ZNF513: variants seen among roughly 807,000 people sequenced by gnomAD.
ZNF513 encodes zinc finger protein 513.
In ZNF513, 16 loss-of-function variants were observed where a neutral mutation model predicts 39.7. The observed-to-expected ratio is 0.40, with a 90% confidence interval of 0.27 to 0.61. The LOEUF is 0.61. Among genes scored for constraint, ZNF513 ranks in the 20% least tolerant of loss-of-function variants. The probability of loss-of-function intolerance (pLI) is 0.39; values close to 1 mark genes in which losing one functional copy is unlikely to be tolerated. For missense variants in ZNF513, 699 were observed against 743.6 expected, an observed-to-expected ratio of 0.94 and a Z score of 0.70; for synonymous variants, 348 against 296.5, an observed-to-expected ratio of 1.17 and a Z score of -1.79.
Position 27,377,556 on chromosome 2 carries a change from C to G in ZNF513, c.1615G>C (p.Asp539His). The G allele has an allele frequency of 6.2e-7, 1 of 1,614,056 alleles. No homozygotes were observed. Among genetic ancestry groups the G allele is most frequent in the Non-Finnish European group, 8.5e-7 (1 of 1,180,028 alleles). ...AAGAAGGACCTAGTTCAGGATGAGTCTGTGTGGACAGCCCGGCTGCCAGCA... is the reference window on the plus strand; with the variant it reads ...AAGAAGGACCTAGTTCAGGATGAGTGTGTGTGGACAGCCCGGCTGCCAGCA... The part of the protein sequence containing the change: ...GTAGSRAVHT[D>H]SS Residue 539 changes from aspartate to histidine, a missense_variant, in exon 4 of 4, where the codon GAC becomes CAC. By Grantham distance (81) the Asp-to-His change is moderately conservative. Transcript: ENST00000323703. This position sits in a 1 kb window ranked among gnomAD's most constrained non-coding sequence, Gnocchi z 4.4.
Position 27,378,994 on chromosome 2 carries a change from C to A in ZNF513, c.272G>T (p.Gly91Val). ...PYGLSDDESGGGRALSAESEV... is the reference protein window; with the variant it reads ...PYGLSDDESGVGRALSAESEV... ...ACTCTCCGCACTTAGTGCCCGGCCGCCCCCAGACTCATCGTCGCTCAGCCC... is the reference window on the plus strand; with the variant it reads ...ACTCTCCGCACTTAGTGCCCGGCCGACCCCAGACTCATCGTCGCTCAGCCC... Residue 91 changes from glycine (G) to valine (V), a missense_variant, in exon 3 of 4, where the codon GGC (glycine) becomes GTC (valine). By Grantham distance (109) the Gly-to-Val change is moderately radical. Around this residue, in one of 3 missense-constraint regions of ZNF513, gnomAD observed 530 missense variants for 499.3 expected, o/e 1.06. Coordinates refer to ENST00000323703, the MANE Select transcript of ZNF513 (RefSeq NM_144631.6). This position sits in a 1 kb window ranked among gnomAD's most constrained non-coding sequence, Gnocchi z 8.0. 1 of 1,613,184 alleles carries A rather than the reference C, an allele frequency of 6.2e-7. No homozygotes were observed. The highest frequency in any genetic ancestry group is 1.1e-5 in the South Asian group (1 of 91,082).
rs1683574266 is a variant in ZNF513 at position 27,380,555 on chromosome 2, C to T, written c.-29G>A. 6.5e-7 allele frequency: 1 copy of T among 1,545,012 alleles called. No homozygotes were observed. Among genetic ancestry groups the T allele is most frequent in the Non-Finnish European group, 8.8e-7 (1 of 1,138,938 alleles). ...GACCGGCTCCAGCCCGACGCGCCTC[C>T]GGCCTGCGGCCGCCCGACCCCGCCC... On this transcript the variant is annotated 5_prime_UTR_variant, in exon 1 of 4. Transcript: ENST00000323703.
chr2:27,377,459 T>C lies in ZNF513; in HGVS notation c.*86A>G. The C allele has an allele frequency of 6.9e-7, 1 of 1,449,316 alleles. No individual in the cohort carries two copies. Among genetic ancestry groups the C allele is most frequent in the Non-Finnish European group, 9.6e-7 (1 of 1,041,400 alleles). 89.8% of individuals were successfully genotyped at this position (1,449,316 alleles called of 1,614,324 possible). On this transcript the variant is annotated 3_prime_UTR_variant, in exon 4 of 4. Coordinates refer to ENST00000323703, the MANE Select transcript of ZNF513 (RefSeq NM_144631.6). This position sits in a 1 kb window ranked among gnomAD's most constrained non-coding sequence, Gnocchi z 4.4. ...GGGCTGGTCCTTATAGTGCCTACGT[T>C]AGTCTGTGTGGAGCCCCTGGCCAGC...
rs964297043 is a variant in ZNF513 at position 27,380,603 on chromosome 2, TGCCCTTC to T, written c.-84_-78del. The T allele has an allele frequency of 3.0e-5, 46 of 1,535,104 alleles. No homozygotes were observed. In the African/African-American group the frequency reaches 5.8e-4, roughly 19 times the overall value. The stretch of plus-strand genomic sequence containing the variant: ...CCCCTCCTATCTCGGCCCGCCTGTC[TGCCCTTC>T]CTCTCAGGGCCCGCGGGCCGCCCCC... On this transcript the variant is annotated 5_prime_UTR_variant, in exon 1 of 4. Coordinates refer to ENST00000323703, the MANE Select transcript of ZNF513 (RefSeq NM_144631.6).
At position 27,380,672 on chromosome 2, in the gene ZNF513, G is replaced by A; in HGVS notation, c.-146C>T. 1 of 1,267,148 alleles carries A rather than the reference G, an allele frequency of 7.9e-7. No homozygotes were observed. Among genetic ancestry groups the A allele is most frequent in the Non-Finnish European group, 9.9e-7 (1 of 1,007,954 alleles). The allele number at this position is 1,267,148 out of a possible 1,614,324, so 78.5% of individuals were successfully genotyped here. On this transcript the variant is annotated 5_prime_UTR_variant, in exon 1 of 4. Transcript: ENST00000323703. Reference sequence around the variant, plus strand: ...CGGGCCCTGGGCAGCCCCCGGCCCTGGCCCCGGCGCCCAGCTCAGGCCGCT... The same window carrying A: ...CGGGCCCTGGGCAGCCCCCGGCCCTAGCCCCGGCGCCCAGCTCAGGCCGCT...
Position 27,380,170 on chromosome 2 carries a change from T to G in ZNF513, c.134A>C (p.Glu45Ala). The change falls in exon 2 of 4, where the codon GAG becomes GCG. Residue 45 changes from glutamate (E) to alanine (A), a missense_variant. By Grantham distance (107) the Glu-to-Ala change is moderately radical. Transcript: ENST00000323703. ...ESDLLLGQDL[E>A]FEEEEEEEEG... ...CTCCTCTTCCTCTTCCTCCTCAAACTCCAGATCCTGGCCTAGTAGCAAATC... is the reference window on the plus strand; with the variant it reads ...CTCCTCTTCCTCTTCCTCCTCAAACGCCAGATCCTGGCCTAGTAGCAAATC... 1 of 1,613,820 alleles carries G rather than the reference T, an allele frequency of 6.2e-7. No homozygotes were observed. The highest frequency in any genetic ancestry group is 8.5e-7 in the Non-Finnish European group (1 of 1,179,950).
intron 2 of ZNF513, 83 bp from the exon 3 acceptor site, chr2:27,379,137 C>T (rs1378119192): frequency 1.4e-6 from 2 of 1,379,418 alleles, no homozygotes; most frequent in Non-Finnish European, 2.0e-6. Context: ...ATGGTCTCCC[C>T]ACTTGCTTGG....
chr2:27,380,203 A>G lies in ZNF513; in HGVS notation c.101T>C (p.Leu34Ser). ...SLDEGPGALVLESDLLLGQDL... is the reference protein window; with the variant it reads ...SLDEGPGALVSESDLLLGQDL... ...CTGGCCTAGTAGCAAATCACTCTCC[A>G]ATACCAGGGCCCCGGGTCCTTCGTC... The change falls in exon 2 of 4, where the codon TTG becomes TCG. Residue 34 changes from leucine (L) to serine (S), a missense_variant. Around this residue, in one of 3 missense-constraint regions of ZNF513, gnomAD observed 530 missense variants for 499.3 expected, o/e 1.06. Transcript: ENST00000323703. The G allele has an allele frequency of 6.2e-7, 1 of 1,613,838 alleles. No individual in the cohort carries two copies. The highest frequency in any genetic ancestry group is 8.5e-7 in the Non-Finnish European group (1 of 1,179,962).
chr2:27,377,471 A>G lies in ZNF513; in HGVS notation c.*74T>C. ...ATAGTGCCTACGTTAGTCTGTGTGG[A>G]GCCCCTGGCCAGCGGGGGAGAAAAA... On this transcript the variant is annotated 3_prime_UTR_variant, in exon 4 of 4. Transcript: ENST00000323703. The surrounding 1 kb of genome is among the most constrained non-coding windows in gnomAD (Gnocchi z 4.4). 3 of 1,511,316 alleles carry G rather than the reference A, an allele frequency of 2.0e-6. No individual in the cohort carries two copies. The highest frequency in any genetic ancestry group is 2.7e-6 in the Non-Finnish European group (3 of 1,093,376). 93.6% of individuals were successfully genotyped at this position (1,511,316 alleles called of 1,614,324 possible).
In ZNF513 at chr2:27,377,539, C is replaced by T. The variant is rs1683381223; in HGVS notation, c.*6G>A. 1.2e-6 allele frequency: 2 copies of T among 1,613,886 alleles called. No individual in the cohort carries two copies. The highest frequency in any genetic ancestry group is 1.7e-6 in the Non-Finnish European group (2 of 1,179,950). On this transcript the variant is annotated 3_prime_UTR_variant, in exon 4 of 4. Transcript: ENST00000323703. The surrounding 1 kb of genome is among the most constrained non-coding windows in gnomAD (Gnocchi z 4.4). ...CTGTATAAAACATGGGGAAGAAGGACCTAGTTCAGGATGAGTCTGTGTGGA... is the reference window on the plus strand; with the variant it reads ...CTGTATAAAACATGGGGAAGAAGGATCTAGTTCAGGATGAGTCTGTGTGGA...
In ZNF513 at chr2:27,377,604, G is replaced by A. The variant is rs374112566; in HGVS notation, c.1567C>T (p.Arg523Trp). The A allele has an allele frequency of 1.2e-5, 19 of 1,613,980 alleles. No individual in the cohort carries two copies. The highest frequency in any genetic ancestry group is 6.7e-5 in the East Asian group (3 of 44,890). ...PHSPPSVLSS[R>W]GPPALGTAGS... Reference sequence around the variant, plus strand: ...GCAGTCCCCAGGGCTGGTGGGCCCCGAGAGCTCAAAACAGAGGGTGGGCTA... The same window carrying A: ...GCAGTCCCCAGGGCTGGTGGGCCCCAAGAGCTCAAAACAGAGGGTGGGCTA... The change falls in exon 4 of 4, where the codon CGG becomes TGG. Residue 523 changes from arginine (R) to tryptophan (W), a missense_variant. Transcript: ENST00000323703. This position sits in a 1 kb window ranked among gnomAD's most constrained non-coding sequence, Gnocchi z 4.4.
At chr2:27,380,734 T>TA (rs1311152017), upstream of ZNF513, 1 of 859,868 alleles carries the variant, frequency 1.2e-6, no homozygotes, top group Non-Finnish European at 1.5e-6. Flanking sequence ...TGGAGCCCCC[T>TA]ACCCCCCTAC....
In ZNF513 at chr2:27,380,210, G is replaced by A. The variant is rs538745708; in HGVS notation, c.94C>T (p.Leu32=). ...AGTAGCAAATCACTCTCCAATACCA[G>A]GGCCCCGGGTCCTTCGTCGAGGGAG... ...EDSLDEGPGA[L]VLESDLLLGQ... Residue 32 remains leucine, a synonymous_variant, in exon 2 of 4, where the codon CTG becomes TTG. Coordinates refer to ENST00000323703, the MANE Select transcript of ZNF513 (RefSeq NM_144631.6). 46 of 1,614,004 alleles carry A rather than the reference G, an allele frequency of 2.9e-5. No homozygotes were observed. The South Asian group carries it at 4.9e-4, about 17-fold the overall frequency.
chr2:27,378,837 C>A lies in ZNF513; in HGVS notation c.429G>T (p.Leu143=), dbSNP rs1683479386. 1 of 1,609,558 alleles carries A rather than the reference C, an allele frequency of 6.2e-7. No homozygotes were observed. The highest frequency in any genetic ancestry group is 1.1e-5 in the South Asian group (1 of 90,800). ...ATGAGTACAGTAGCCGTGGGGGCAGCAGGGGCCCCCCACCCGGCCCTCCTG... is the reference window on the plus strand; with the variant it reads ...ATGAGTACAGTAGCCGTGGGGGCAGAAGGGGCCCCCCACCCGGCCCTCCTG... ...CGAGGPGGGP[L]LPPRLLYSCR... The change falls in exon 3 of 4, where the codon CTG becomes CTT. Residue 143 remains leucine (L), a synonymous_variant. Transcript: ENST00000323703. The surrounding 1 kb of genome is among the most constrained non-coding windows in gnomAD (Gnocchi z 8.0).
rs1572657132 is a variant in ZNF513, at chr2:27,380,460, C to T, written c.55+12G>A. On this transcript the variant is annotated intron_variant, in intron 1 of 3. Coordinates refer to ENST00000323703, the MANE Select transcript of ZNF513 (RefSeq NM_144631.6). ...CCCCGCTCCTCTCCCCTCAAGGCCC[C>T]TGACCCCTGACCTTTGACCCCCTCG... 6.3e-7 allele frequency: 1 copy of T among 1,594,046 alleles called. No individual in the cohort carries two copies.
intron 2 of ZNF513, 63 bp downstream of exon 2, chr2:27,380,030 T>C: frequency 6.2e-7 from 1 of 1,609,162 alleles, no homozygotes; most frequent in Non-Finnish European, 8.5e-7. Flanking sequence ...TCACCTAACC[T>C]GCCTCCTGAA....
At position 27,377,314 on chromosome 2, in the gene ZNF513, T is replaced by A. The variant is rs1255027144; in HGVS notation, c.*231A>T. 5.2e-5 allele frequency: 34 copies of A among 655,372 alleles called. No homozygotes were observed. The highest frequency in any genetic ancestry group is 9.4e-5 in the Non-Finnish European group (34 of 360,964). The allele number at this position is 655,372 out of a possible 1,614,324, so 40.6% of individuals were successfully genotyped here. On this transcript the variant is annotated 3_prime_UTR_variant, in exon 4 of 4. Coordinates refer to ENST00000323703, the MANE Select transcript of ZNF513 (RefSeq NM_144631.6). This position sits in a 1 kb window ranked among gnomAD's most constrained non-coding sequence, Gnocchi z 4.4. ...GGAGGCTGGGCAGTCCCCCAGCCGGTTTGTCCACAGCCCCTGGGGGCAGTG... is the reference window on the plus strand; with the variant it reads ...GGAGGCTGGGCAGTCCCCCAGCCGGATTGTCCACAGCCCCTGGGGGCAGTG...
intron 2 of ZNF513, among the ~76,000 whole-genome samples, chr2:27,379,724 GAGTT>G (rs1277354784): frequency 2.0e-5 from 3 of 152,324 alleles, no homozygotes; most frequent in African/African-American, 7.2e-5. Context: ...AGGTGAAAGG[GAGTT>G]AGATTAGACC....
Position 27,378,433 on chromosome 2 carries a change from T to C in ZNF513, c.799+34A>G, listed in dbSNP as rs763487654. 1.2e-5 allele frequency: 20 copies of C among 1,613,482 alleles called. No individual in the cohort carries two copies. Among genetic ancestry groups the C allele is most frequent in the African/African-American group, 2.7e-5 (2 of 74,950 alleles). On this transcript the variant is annotated intron_variant, in intron 3 of 3. Coordinates refer to ENST00000323703, the MANE Select transcript of ZNF513 (RefSeq NM_144631.6). This position sits in a 1 kb window ranked among gnomAD's most constrained non-coding sequence, Gnocchi z 8.0. ...AAGCATTCCTAGGGTCAGCCACCCA[T>C]GTCCCAAGATCTTTGGTCCCTGGTG...
Sources: allele counts gnomAD v4.1 joint callset (sites outside exome capture counted in the v4.1 genomes callset), GRCh38; gene constraint gnomAD v4.1.1; regional missense constraint gnomAD v4.1.1; non-coding constraint Gnocchi (gnomAD v3.1); transcripts MANE v1.5; gene names NCBI Gene and HGNC (gene_info 2026-07-23, HGNC 2026-07-21).